The following IQGAP1 variants were observed in gnomAD, a reference collection of about 807,000 sequenced individuals.
IQGAP1 encodes ras GTPase-activating-like protein IQGAP1.
Under a neutral mutation model 215.6 loss-of-function variants are expected in IQGAP1, and 66 were observed. That is an observed-to-expected ratio of 0.31 (90% CI 0.25 to 0.38). The LOEUF is 0.38. IQGAP1 is among the 10% of genes least tolerant of loss of function. The pLI is 1.00. For missense variants in IQGAP1, 1,712 were observed against 1,997.1 expected (o/e 0.86, Z 2.72); for synonymous variants, 772 against 728.7 (o/e 1.06, Z -0.96).
At position 90,487,481 on chromosome 15, in the gene IQGAP1, C is replaced by G. The variant is rs906201622; in HGVS notation, c.4161-14C>G. 6.3e-7 allele frequency: 1 copy of G among 1,594,978 alleles called. No homozygotes were observed. The highest frequency in any genetic ancestry group is 1.7e-5 in the Admixed American group (1 of 59,906). Reference sequence around the variant, plus strand: ...CACTGGTAATATTTAAATGCCTCCCCCATCTCGTTTCAGTACAAAACGTTT... The same window carrying G: ...CACTGGTAATATTTAAATGCCTCCCGCATCTCGTTTCAGTACAAAACGTTT... On this transcript the variant is annotated splice_polypyrimidine_tract_variant and intron_variant, in intron 32 of 37. Coordinates refer to ENST00000268182, the MANE Select transcript of IQGAP1 (RefSeq NM_003870.4).
chr15:90,476,567 T>C (rs1965982692), intron 23 of IQGAP1, 96 bp from the exon 24 acceptor site: 7 of 877,772 alleles, frequency 8.0e-6, no homozygotes, highest in Non-Finnish European at 1.2e-5. Context: ...GCAGTACACC[T>C]TCATGTGAGT....
chr15:90,492,448 A>T, intron 34 of IQGAP1, 97 bp from the exon 35 acceptor site: 8 of 517,076 alleles, frequency 1.5e-5, no homozygotes, highest in Non-Finnish European at 2.2e-5. Flanking sequence ...AAAAGTAGGT[A>T]GTCATATTTA....
At chr15:90,421,428 A>G (rs1779614526) in intron 2 of IQGAP1, among the ~76,000 whole-genome samples, 2 of 151,724 alleles carry the variant, frequency 1.3e-5, no homozygotes, top group South Asian at 2.1e-4. Flanking sequence ...GTGAGCTGAC[A>G]TCATGCCACT....
intron 17 of IQGAP1, 142 bp downstream of exon 17, chr15:90,466,578 AAAT>A (rs1965834612): frequency 1.4e-5 from 11 of 810,678 alleles, no homozygotes; most frequent in Non-Finnish European, 1.9e-5. Flanking sequence ...AAAGGAGATA[AAAT>A]CCCTATTTTT....
chr15:90,452,102 A>G (rs1156900933), intron 11 of IQGAP1, among the ~76,000 whole-genome samples: 2 of 152,180 alleles, frequency 1.3e-5, no homozygotes, highest in Non-Finnish European at 2.9e-5. Context: ...TGCTGGGATT[A>G]CAAGCGTGAG....
chr15:90,454,311 G>A (rs1225789363), intron 13 of IQGAP1, 117 bp from the exon 14 acceptor site: 8 of 1,197,924 alleles, frequency 6.7e-6, no homozygotes, highest in East Asian at 2.5e-5. Flanking sequence ...TAACTGTGCA[G>A]TTCCAAAACT....
intron 4 of IQGAP1, among the ~76,000 whole-genome samples, chr15:90,432,807 A>C (rs952545069): frequency 3.3e-5 from 5 of 152,102 alleles, no homozygotes; most frequent in Admixed American, 3.3e-4. Context: ...CTCATTATTC[A>C]GTCTTTTGCT....
In IQGAP1 at chr15:90,441,588, T is replaced by A. The variant is rs1247921737; in HGVS notation, c.732T>A (p.Asn244Lys). 6.2e-7 allele frequency: 1 copy of A among 1,614,048 alleles called. No individual in the cohort carries two copies. The highest frequency in any genetic ancestry group is 8.5e-7 in the Non-Finnish European group (1 of 1,179,958). The part of the protein sequence containing the change: ...ADTFAALKNP[N>K]AMLVNLEEPL... ...CATTTGCAGCTTTGAAAAATCCGAA[T>A]GCCATGCTTGTAAATCTTGAAGAGC... Residue 244 changes from asparagine (N) to lysine (K), a missense_variant, in exon 8 of 38, where the codon AAT becomes AAA. Coordinates refer to ENST00000268182, the MANE Select transcript of IQGAP1 (RefSeq NM_003870.4).
intron 9 of IQGAP1, among the ~76,000 whole-genome samples, chr15:90,446,690 A>G (rs776812120): frequency 2.0e-5 from 3 of 152,226 alleles, no homozygotes; most frequent in Non-Finnish European, 4.4e-5. Context: ...AATTATAGAT[A>G]AGATTCTTTG....
In IQGAP1 at chr15:90,502,224, A is replaced by G. The variant is rs1567148034; in HGVS notation, c.*2116A>G. 1.3e-5 allele frequency: 2 copies of G among 152,634 alleles called. No homozygotes were observed. The highest frequency in any genetic ancestry group is 3.8e-4 in the East Asian group (2 of 5,200). 9.5% of individuals were successfully genotyped at this position (152,634 alleles called of 1,614,324 possible). A position where few individuals can be genotyped will look rare whatever the true frequency, so the allele number is the denominator to read the frequency against. ...TGCCTTTGTATCTCTGTATGAAATA[A>G]AAGGTCATTTGTTCATGTTTGTGTT... On this transcript the variant is annotated 3_prime_UTR_variant, in exon 38 of 38. Transcript: ENST00000268182.
At chr15:90,426,467 A>G (rs960492683) in intron 3 of IQGAP1, among the ~76,000 whole-genome samples, 1 of 152,106 alleles carries the variant, frequency 6.6e-6, no homozygotes, top group Non-Finnish European at 1.5e-5. Context: ...CTCTTTTAGA[A>G]TTTATCTGGA....
At chr15:90,422,744 G>C (rs1043961089) in intron 2 of IQGAP1, among the ~76,000 whole-genome samples, 1 of 150,020 alleles carries the variant, frequency 6.7e-6, no homozygotes, top group African/African-American at 2.4e-5. Flanking sequence ...TGCCCAGGTT[G>C]GAGTATGGTG....
At position 90,492,697 on chromosome 15, in the gene IQGAP1, A is replaced by G; in HGVS notation, c.4614A>G (p.Leu1538=). 2 of 1,610,464 alleles carry G rather than the reference A, an allele frequency of 1.2e-6. No individual in the cohort carries two copies. Among genetic ancestry groups the G allele is most frequent in the Non-Finnish European group, 1.7e-6 (2 of 1,178,984 alleles). ...ATATCAAAACCTGCTTGGATAACTT[A>G]GCCAGCAAGGGCAAGTGAGTATTTT... ...KSYIKTCLDN[L]ASKGKVSKKP... The change falls in exon 35 of 38, where the codon TTA becomes TTG. Residue 1538 remains leucine, a synonymous_variant. Transcript: ENST00000268182.
At chr15:90,477,548 G>T in intron 25 of IQGAP1, 117 bp from the exon 26 acceptor site, 1 of 771,424 alleles carries the variant, frequency 1.3e-6, no homozygotes, top group Non-Finnish European at 2.2e-6. Context: ...CATTCTGTGA[G>T]TGCTGGGGAA....
intron 1 of IQGAP1, 74 bp from the exon 2 acceptor site, chr15:90,390,700 G>T (rs1964623199): frequency 2.0e-6 from 2 of 1,011,460 alleles, no homozygotes; most frequent in African/African-American, 1.6e-5. Context: ...GCAGGAAATT[G>T]ATTCTGTGGC....
At chr15:90,415,046 C>T (rs1248245775) in intron 2 of IQGAP1, among the ~76,000 whole-genome samples, 2 of 152,274 alleles carry the variant, frequency 1.3e-5, no homozygotes, top group East Asian at 1.9e-4. Context: ...CGGATTTTCT[C>T]CTAGAATTGT....
intron 8 of IQGAP1, among the ~76,000 whole-genome samples, chr15:90,442,449 G>A (rs1413822171): frequency 7.7e-6 from 1 of 129,508 alleles, no homozygotes; most frequent in African/African-American, 2.8e-5. Flanking sequence ...CGTCTCGGGG[G>A]GGAAAAAAAA....
chr15:90,415,286 CA>C (rs1224839839), intron 2 of IQGAP1, among the ~76,000 whole-genome samples: 1 of 152,008 alleles, frequency 6.6e-6, no homozygotes, highest in Non-Finnish European at 1.5e-5. Context: ...CATTTTATTT[CA>C]AGTGTTTAAA....
chr15:90,428,139 A>G (rs1203948639), intron 3 of IQGAP1, among the ~76,000 whole-genome samples: 1 of 152,018 alleles, frequency 6.6e-6, no homozygotes, highest in Non-Finnish European at 1.5e-5. Context: ...TAATGCCATC[A>G]TGGCTCACTG....
Sources: gnomAD v4.1 joint callset for allele counts (sites outside exome capture counted in the v4.1 genomes callset) on GRCh38, gnomAD v4.1.1 for gene constraint, MANE v1.5 for transcripts, NCBI Gene and HGNC (gene_info 2026-07-23, HGNC 2026-07-21) for gene names.